Variants in NEGR1 observed in about 807,000 individuals in gnomAD.
NEGR1 encodes neuronal growth regulator 1.
Under a neutral mutation model 40.9 loss-of-function variants are expected in NEGR1, and 10 were observed. The ratio of observed to expected loss-of-function variants is 0.24; its 90% CI spans 0.15 to 0.42. The LOEUF (loss-of-function observed/expected upper bound fraction) is 0.42. Ranked by LOEUF, NEGR1 falls within the 10% of genes least tolerant of loss-of-function variation. The pLI is 1.00. For synonymous variants in NEGR1, 185 were observed against 166.8 expected (o/e 1.11, Z -0.84); for missense variants, 352 against 438.9 (o/e 0.80, Z 1.77).
At chr1:71,880,310 GCAT>G (rs1018794923) in intron 2 of NEGR1, among the ~76,000 whole-genome samples, 5 of 151,808 alleles carry the variant, frequency 3.3e-5, no homozygotes, top group Non-Finnish European at 7.4e-5. Flanking sequence ...AAGCATGGTG[GCAT>G]CATAAAGTAC....
At chr1:72,164,165 C>T (rs1368331058) in intron 1 of NEGR1, among the ~76,000 whole-genome samples, 1 of 151,940 alleles carries the variant, frequency 6.6e-6, no homozygotes, top group Non-Finnish European at 1.5e-5. Flanking sequence ...TTATTATTTC[C>T]TTCAAGCTAC....
chr1:72,131,380 A>T (rs977466341), intron 1 of NEGR1, among the ~76,000 whole-genome samples: 2 of 152,206 alleles, frequency 1.3e-5, no homozygotes, highest in African/African-American at 4.8e-5. Context: ...ACATCAAGGT[A>T]GAATACAACA....
chr1:72,074,398 T>C (rs1348414090), intron 1 of NEGR1, among the ~76,000 whole-genome samples: 1 of 152,078 alleles, frequency 6.6e-6, no homozygotes, highest in Non-Finnish European at 1.5e-5. Context: ...TATTATTCTT[T>C]ATCATCATTT....
intron 2 of NEGR1, among the ~76,000 whole-genome samples, chr1:71,898,214 T>C (rs1369509223): frequency 6.6e-6 from 1 of 152,224 alleles, no homozygotes; most frequent in East Asian, 1.9e-4. Flanking sequence ...AGCTAATACA[T>C]TCTTTCTCAG....
intron 1 of NEGR1, among the ~76,000 whole-genome samples, chr1:72,121,292 C>T (rs1649796677): frequency 6.6e-6 from 1 of 151,906 alleles, no homozygotes; most frequent in Non-Finnish European, 1.5e-5. Flanking sequence ...AAATTAATTG[C>T]ATAGAATTCT....
intron 6 of NEGR1, among the ~76,000 whole-genome samples, chr1:71,575,613 C>T (rs1355772882): frequency 1.3e-5 from 2 of 152,112 alleles, no homozygotes; most frequent in Non-Finnish European, 2.9e-5. Flanking sequence ...GAAACCCCGT[C>T]TCTACTAAAA....
intron 1 of NEGR1, among the ~76,000 whole-genome samples, chr1:72,169,183 C>T (rs1417791054): frequency 6.6e-6 from 1 of 152,090 alleles, no homozygotes; most frequent in Non-Finnish European, 1.5e-5. Context: ...TTCAATAGCT[C>T]ATTATCAGCA....
chr1:71,967,076 T>C (rs1428539647), intron 1 of NEGR1, among the ~76,000 whole-genome samples: 2 of 152,160 alleles, frequency 1.3e-5, no homozygotes, highest in African/African-American at 2.4e-5. Flanking sequence ...AAAACCTAAA[T>C]GAGCTCTGAG....
intron 1 of NEGR1, among the ~76,000 whole-genome samples, chr1:72,032,046 A>C (rs1319148086): frequency 6.6e-6 from 1 of 152,218 alleles, no homozygotes; most frequent in African/African-American, 2.4e-5. Context: ...CACAGAGCTA[A>C]AAATTAGAAG....
chr1:71,568,755 G>A (rs1476898058), intron 6 of NEGR1, among the ~76,000 whole-genome samples: 4 of 151,524 alleles, frequency 2.6e-5, no homozygotes, highest in African/African-American at 9.7e-5. Context: ...GTATATATGT[G>A]TTTATGCACA....
intron 6 of NEGR1, among the ~76,000 whole-genome samples, chr1:71,415,136 T>G (rs1646347002): frequency 6.6e-6 from 1 of 152,078 alleles, no homozygotes; most frequent in Non-Finnish European, 1.5e-5. Context: ...GGGTTTTTTT[T>G]TTCATTTGAT....
At chr1:71,981,974 C>A (rs890618877) in intron 1 of NEGR1, among the ~76,000 whole-genome samples, 2 of 152,098 alleles carry the variant, frequency 1.3e-5, no homozygotes, top group African/African-American at 4.8e-5. Flanking sequence ...GTGGAGGTTG[C>A]AATAATGTTT....
intron 5 of NEGR1, among the ~76,000 whole-genome samples, chr1:71,601,009 G>T (rs1316464479): frequency 6.6e-6 from 1 of 152,092 alleles, no homozygotes; most frequent in East Asian, 1.9e-4. Flanking sequence ...TTGTTGTCTA[G>T]ATGGAAAACA....
At chr1:72,017,848 ATAAGTT>A (rs1456934605) in intron 1 of NEGR1, among the ~76,000 whole-genome samples, 1 of 152,144 alleles carries the variant, frequency 6.6e-6, no homozygotes, top group East Asian at 1.9e-4. Context: ...ATTGGTCTCA[ATAAGTT>A]TAAGTGGCTA....
At chr1:71,870,817 G>GT (rs1193320572) in intron 2 of NEGR1, among the ~76,000 whole-genome samples, 4 of 152,128 alleles carry the variant, frequency 2.6e-5, no homozygotes, top group Admixed American at 6.6e-5. Context: ...ATGAGATGTT[G>GT]TTTTCATGAA....
intron 1 of NEGR1, among the ~76,000 whole-genome samples, chr1:72,210,228 C>T (rs1653551095): frequency 6.6e-6 from 1 of 151,770 alleles, no homozygotes; most frequent in Non-Finnish European, 1.5e-5. Flanking sequence ...ACTGACATTG[C>T]AGAAGCAGTG....
chr1:72,195,375 G>A (rs1179998681), intron 1 of NEGR1, among the ~76,000 whole-genome samples: 1 of 151,854 alleles, frequency 6.6e-6, no homozygotes, highest in Non-Finnish European at 1.5e-5. Flanking sequence ...GGCCTAAACT[G>A]CTTCTACATT....
chr1:71,651,193 C>T (rs1369998144), intron 4 of NEGR1, among the ~76,000 whole-genome samples: 1 of 152,024 alleles, frequency 6.6e-6, no homozygotes, highest in East Asian at 1.9e-4. Flanking sequence ...CAAAGAATAA[C>T]AGTGACCTAT....
intron 3 of NEGR1, among the ~76,000 whole-genome samples, chr1:71,726,060 A>G (rs1370678382): frequency 6.6e-6 from 1 of 152,138 alleles, no homozygotes; most frequent in African/African-American, 2.4e-5. Flanking sequence ...CTGGATGACA[A>G]ATTGCTGCTG....
Sources: allele counts gnomAD v4.1 joint callset (sites outside exome capture counted in the v4.1 genomes callset), GRCh38; gene constraint gnomAD v4.1.1; transcripts MANE v1.5; gene names NCBI Gene and HGNC (gene_info 2026-07-23, HGNC 2026-07-21).